Variants in CNTNAP2 observed in about 807,000 individuals in gnomAD.
The protein encoded by CNTNAP2 is contactin associated protein 2.
A neutral mutation model predicts 155.2 loss-of-function variants in CNTNAP2; 98 were observed. The observed-to-expected ratio is 0.63, with a 90% CI of 0.54 to 0.75. The LOEUF (loss-of-function observed/expected upper bound fraction) is 0.75. CNTNAP2 is among the 30% of genes least tolerant of loss of function. The probability of loss-of-function intolerance (pLI) is 0.00; values close to 1 mark genes in which losing one functional copy is unlikely to be tolerated. For synonymous variants in CNTNAP2, 651 were observed against 631.2 expected, an observed-to-expected ratio of 1.03 and a Z score of -0.47; for missense variants, 1,727 against 1,688.1, an observed-to-expected ratio of 1.02 and a Z score of -0.40.
At chr7:146,251,240 A>C (rs1799751814) in intron 1 of CNTNAP2, among the ~76,000 whole-genome samples, 2 of 152,156 alleles carry the variant, frequency 1.3e-5, no homozygotes, top group African/African-American at 4.8e-5. Flanking sequence ...ATTCATTGAA[A>C]CTTTAGCTTT....
In CNTNAP2 at chr7:148,063,747, A is replaced by G. The variant is rs112015094; in HGVS notation, c.2384-54371A>G. ...TTTTTAGTTTAATTAGGTCTCATCT[A>G]TTTATCTTTGTTTTTGTTGCATTTG... On this transcript the variant is annotated intron_variant, in intron 15 of 23. Coordinates refer to ENST00000361727, the MANE Select transcript of CNTNAP2 (RefSeq NM_014141.6). 6.4e-3 allele frequency among the ~76,000 whole-genome samples: 966 copies of G among 151,534 alleles called. 12 individuals carry two copies. The highest frequency in any genetic ancestry group is 0.023 in the African/African-American group (935 of 41,322).
At chr7:147,487,627 G>T (rs1242172550) in intron 11 of CNTNAP2, among the ~76,000 whole-genome samples, 1 of 152,040 alleles carries the variant, frequency 6.6e-6, no homozygotes, top group Admixed American at 6.6e-5. Flanking sequence ...CTCAGTGATG[G>T]CTTTTACATT....
intron 1 of CNTNAP2, among the ~76,000 whole-genome samples, chr7:146,368,899 T>C (rs931923326): frequency 1.1e-4 from 16 of 150,440 alleles, no homozygotes; most frequent in African/African-American, 3.4e-4. Flanking sequence ...CATTCTTCCA[T>C]ACTTTTAAAT....
At position 147,469,460 on chromosome 7, in the gene CNTNAP2, TA is replaced by T. The variant is rs888645924; in HGVS notation, c.1671-16471del. On this transcript the variant is annotated intron_variant, in intron 10 of 23. Coordinates refer to ENST00000361727, the MANE Select transcript of CNTNAP2 (RefSeq NM_014141.6). ...CTTCACTGCATTTTAGCAGAGGGAG[TA>T]AAACAAAGAAACGGCAGGGCAGAGC... Among the ~76,000 whole-genome samples, 10 of 146,420 alleles carry T rather than the reference TA, an allele frequency of 6.8e-5. No individual in the cohort carries two copies. In the East Asian group the frequency reaches 1.9e-3, roughly 28 times the overall value.
intron 3 of CNTNAP2, among the ~76,000 whole-genome samples, chr7:146,875,940 A>C (rs1333933330): frequency 1.8e-4 from 18 of 97,316 alleles, no homozygotes; most frequent in African/African-American, 1.6e-3. Flanking sequence ...ACAGCAAAAA[A>C]AAAAAAAAAA....
intron 21 of CNTNAP2, among the ~76,000 whole-genome samples, chr7:148,317,659 A>G (rs776873355): frequency 5.3e-5 from 8 of 152,182 alleles, no homozygotes; most frequent in Non-Finnish European, 1.0e-4. Flanking sequence ...TTCACAGCAC[A>G]AGTTTGCTGT....
chr7:146,888,447 T>A lies in CNTNAP2; in HGVS notation c.402+48543T>A, dbSNP rs17170289. ...TTGTATTTTACTCTATCATTTCATA[T>A]GTAAGGTAACTTCCACATCATGTGT... On this transcript the variant is annotated intron_variant, in intron 3 of 23. Transcript: ENST00000361727. Among the ~76,000 whole-genome samples the A allele has an allele frequency of 3.3e-3, 506 of 152,300 alleles. 7 individuals are homozygous for A. Among genetic ancestry groups the A allele is most frequent in the African/African-American group, 0.011 (458 of 41,574 alleles).
At chr7:146,672,236 T>G (rs1800323424) in intron 1 of CNTNAP2, among the ~76,000 whole-genome samples, 1 of 152,204 alleles carries the variant, frequency 6.6e-6, no homozygotes, top group Non-Finnish European at 1.5e-5. Flanking sequence ...CTTCAGCAAA[T>G]CTTTCTTAGT....
chr7:148,176,417 AC>A (rs1794938281), intron 18 of CNTNAP2, among the ~76,000 whole-genome samples: 1 of 151,680 alleles, frequency 6.6e-6, no homozygotes, highest in South Asian at 2.1e-4. Context: ...GACGGTTTCA[AC>A]ATGTTGGCCA....
At chr7:147,961,168 G>A (rs868747306) in intron 14 of CNTNAP2, among the ~76,000 whole-genome samples, 1 of 151,906 alleles carries the variant, frequency 6.6e-6, no homozygotes, top group Middle Eastern at 3.4e-3. Context: ...TTATATCCCT[G>A]TCCTAACTTC....
At chr7:147,000,848 G>C (rs915491879) in intron 3 of CNTNAP2, among the ~76,000 whole-genome samples, 1 of 152,086 alleles carries the variant, frequency 6.6e-6, no homozygotes, top group Non-Finnish European at 1.5e-5. Context: ...AGAATCCAAG[G>C]CTGCTATAGT....
intron 8 of CNTNAP2, among the ~76,000 whole-genome samples, chr7:147,207,138 CTG>C (rs571320430): frequency 8.0e-4 from 122 of 152,292 alleles, no homozygotes; most frequent in African/African-American, 2.8e-3. Context: ...ATGTGAAAAA[CTG>C]TTGTCAGGAA....
chr7:146,626,310 T>TA (rs997079081), intron 1 of CNTNAP2, among the ~76,000 whole-genome samples: 1 of 152,292 alleles, frequency 6.6e-6, no homozygotes, highest in African/African-American at 2.4e-5. Flanking sequence ...TATTGAATTT[T>TA]AAAAAATCTA....
intron 1 of CNTNAP2, among the ~76,000 whole-genome samples, chr7:146,490,202 T>C (rs532268650): frequency 6.6e-6 from 1 of 152,372 alleles, no homozygotes; most frequent in East Asian, 1.9e-4. Context: ...TTGTTGTTTT[T>C]TTAACTCAAC....
chr7:146,440,479 G>A (rs1246076527), intron 1 of CNTNAP2, among the ~76,000 whole-genome samples: 1 of 151,434 alleles, frequency 6.6e-6, no homozygotes. Flanking sequence ...CTGTGAAATA[G>A]CAATATAGCC....
chr7:146,283,896 A>T (rs1205448680), intron 1 of CNTNAP2, among the ~76,000 whole-genome samples: 1 of 152,144 alleles, frequency 6.6e-6, no homozygotes, highest in African/African-American at 2.4e-5. Context: ...GAAGATTCTT[A>T]AAAAAAGTCT....
intron 1 of CNTNAP2, among the ~76,000 whole-genome samples, chr7:146,663,277 C>CA (rs543257224): frequency 0.08 from 2,637 of 32,778 alleles, 170 homozygotes; most frequent in African/African-American, 0.18. Flanking sequence ...AACTCCATCT[C>CA]AAAAAAAAAA....
In CNTNAP2 at chr7:146,647,607, A is replaced by C. The variant is rs186496725; in HGVS notation, c.98-126664A>C. Among the ~76,000 whole-genome samples the C allele has an allele frequency of 5.9e-5, 9 of 152,262 alleles. No individual in the cohort carries two copies. In the South Asian group the frequency reaches 1.5e-3, roughly 25 times the overall value. On this transcript the variant is annotated intron_variant, in intron 1 of 23. Transcript: ENST00000361727. The stretch of plus-strand genomic sequence containing the variant: ...TCATGAGCAGTGATAAAGAGAAATC[A>C]CTGGGAAGCAACAAGTGTTGGCAGA...
chr7:147,604,432 T>A (rs987041247), intron 12 of CNTNAP2, among the ~76,000 whole-genome samples: 1 of 152,236 alleles, frequency 6.6e-6, no homozygotes, highest in Non-Finnish European at 1.5e-5. Flanking sequence ...TTGTCCCATG[T>A]TCAGCCAGTG....
Sources: allele counts gnomAD v4.1 joint callset (sites outside exome capture counted in the v4.1 genomes callset), GRCh38; gene constraint gnomAD v4.1.1; transcripts MANE v1.5; gene names NCBI Gene and HGNC (gene_info 2026-07-23, HGNC 2026-07-21).